Variants in ADAMTS17 observed in about 807,000 individuals in gnomAD.
ADAMTS17 encodes ADAM metallopeptidase with thrombospondin type 1 motif 17.
Under a neutral mutation model 141.5 loss-of-function variants are expected in ADAMTS17, and 113 were observed. The observed-to-expected ratio is 0.80, with a 90% CI of 0.69 to 0.93. ADAMTS17 has a LOEUF of 0.93. ADAMTS17 is among the 40% of genes least tolerant of loss of function. ADAMTS17 has a pLI of 0.00. For missense variants in ADAMTS17, 1,659 were observed against 1,517.9 expected, an observed-to-expected ratio of 1.09 and a Z score of -1.54; for synonymous variants, 768 against 630.6, an observed-to-expected ratio of 1.22 and a Z score of -3.27.
intron 4 of ADAMTS17, among the ~76,000 whole-genome samples, chr15:100,280,779 G>T (rs910041005): frequency 1.3e-5 from 2 of 152,104 alleles, no homozygotes; most frequent in Non-Finnish European, 2.9e-5. Flanking sequence ...AGACAGACGT[G>T]GGCATCCTGA....
At chr15:100,273,605 T>G (rs1035273012) in intron 4 of ADAMTS17, among the ~76,000 whole-genome samples, 5 of 152,146 alleles carry the variant, frequency 3.3e-5, no homozygotes, top group African/African-American at 1.2e-4. Flanking sequence ...CTAGCTAAGG[T>G]TTGTCAATTT....
intron 17 of ADAMTS17, among the ~76,000 whole-genome samples, chr15:100,050,707 G>T (rs1445083345): frequency 1.3e-5 from 2 of 152,218 alleles, no homozygotes; most frequent in East Asian, 3.8e-4. Context: ...CGGGGGCTAT[G>T]CCCGGGGTTC....
At chr15:100,265,655 G>A (rs1202212316) in intron 4 of ADAMTS17, among the ~76,000 whole-genome samples, 1 of 152,172 alleles carries the variant, frequency 6.6e-6, no homozygotes, top group Non-Finnish European at 1.5e-5. Flanking sequence ...ACGCCAGGCT[G>A]GGCTTCACAA....
chr15:100,030,200 T>C (rs1034706440), intron 18 of ADAMTS17, among the ~76,000 whole-genome samples: 8 of 152,192 alleles, frequency 5.3e-5, no homozygotes, highest in Admixed American at 1.3e-4. Flanking sequence ...AACATCCTCT[T>C]CCCAGGAAGC....
intron 7 of ADAMTS17, among the ~76,000 whole-genome samples, chr15:100,245,319 C>T (rs1443963400): frequency 6.6e-6 from 1 of 152,220 alleles, no homozygotes; most frequent in Non-Finnish European, 1.5e-5. Flanking sequence ...AGGACACTTA[C>T]TTTCCCAGTC....
At chr15:100,298,601 G>A (rs954514271) in intron 3 of ADAMTS17, among the ~76,000 whole-genome samples, 1 of 152,142 alleles carries the variant, frequency 6.6e-6, no homozygotes, top group Non-Finnish European at 1.5e-5. Context: ...TCCAAATGGA[G>A]GGAGAAAGAA....
chr15:100,334,746 G>C (rs1452029300), intron 2 of ADAMTS17, among the ~76,000 whole-genome samples: 1 of 152,218 alleles, frequency 6.6e-6, no homozygotes, highest in African/African-American at 2.4e-5. Flanking sequence ...TGAAATGCCT[G>C]AGCACAGACG....
rs2060452470 is a variant in ADAMTS17 at position 99,980,062 on chromosome 15, T to G, written c.2950-3840A>C. 3 of 152,270 alleles carry G rather than the reference T, an allele frequency of 2.0e-5. No individual in the cohort carries two copies. In the South Asian group the frequency reaches 6.2e-4, roughly 31 times the overall value. The allele number at this position is 152,270 out of a possible 1,614,324, so 9.4% of individuals were successfully genotyped here. A position where few individuals can be genotyped will look rare whatever the true frequency, so the allele number is the denominator to read the frequency against. On this transcript the variant is annotated intron_variant, in intron 20 of 21. Coordinates refer to ENST00000268070, the MANE Select transcript of ADAMTS17 (RefSeq NM_139057.4). ...AGGGCTGGGTGCGGTGGCTCACACC[T>G]GTAACCCCAGCATTTTGGGAGGCTG...
At chr15:100,292,452 G>A (rs113544161) in intron 3 of ADAMTS17, among the ~76,000 whole-genome samples, 13,897 of 149,864 alleles carry the variant, frequency 0.093, 722 homozygotes, top group Non-Finnish European at 0.11. Context: ...CACTCACCCC[G>A]TGTGAAATTA....
chr15:100,337,654 C>G (rs531476065), intron 2 of ADAMTS17, among the ~76,000 whole-genome samples: 75 of 152,322 alleles, frequency 4.9e-4, no homozygotes, highest in African/African-American at 1.7e-3. Context: ...CAGTGGGTGG[C>G]CTTCCCAAGC....
chr15:99,990,686 G>A (rs1003273570), intron 20 of ADAMTS17, among the ~76,000 whole-genome samples: 2 of 151,702 alleles, frequency 1.3e-5, no homozygotes, highest in Non-Finnish European at 2.9e-5. Flanking sequence ...TGGGCTGATG[G>A]GAAGGTGGTA....
chr15:99,993,939 C>T lies in ADAMTS17; in HGVS notation c.2797-739G>A, dbSNP rs773568669. ...GCCCTCAAGAGTTCAGGATTCCCAG[C>T]AGCAAGAAGGAGCGAAGAGGCAGGG... On this transcript the variant is annotated intron_variant, in intron 19 of 21. Transcript: ENST00000268070. The surrounding 1 kb of genome is among the most constrained non-coding windows in gnomAD (Gnocchi z 4.3). Among the ~76,000 whole-genome samples, 1 of 152,116 alleles carries T rather than the reference C, an allele frequency of 6.6e-6. No homozygotes were observed. The highest frequency in any genetic ancestry group is 1.5e-5 in the Non-Finnish European group (1 of 68,038).
chr15:100,205,082 C>G (rs950397146), intron 7 of ADAMTS17, among the ~76,000 whole-genome samples: 2 of 152,112 alleles, frequency 1.3e-5, no homozygotes, highest in Non-Finnish European at 2.9e-5. Flanking sequence ...GCCTTGCTCC[C>G]TAGGGTTAAT....
At chr15:100,107,261 AG>A (rs1316763101) in intron 14 of ADAMTS17, among the ~76,000 whole-genome samples, 1 of 152,176 alleles carries the variant, frequency 6.6e-6, no homozygotes, top group Non-Finnish European at 1.5e-5. Context: ...GCACTGAGCA[AG>A]CAAAGAGCAT....
chr15:100,275,449 A>G (rs2044049263), intron 4 of ADAMTS17, among the ~76,000 whole-genome samples: 1 of 152,240 alleles, frequency 6.6e-6, no homozygotes, highest in Admixed American at 6.5e-5. Context: ...AATGGAAGTG[A>G]GAAGCCTGGC....
chr15:100,162,235 T>C, intron 8 of ADAMTS17, among the ~76,000 whole-genome samples: 1 of 151,878 alleles, frequency 6.6e-6, no homozygotes, highest in East Asian at 1.9e-4. Context: ...ATACATGGGA[T>C]TTTGATGTAA....
chr15:100,209,053 C>A (rs1320413162), intron 7 of ADAMTS17, among the ~76,000 whole-genome samples: 1 of 139,048 alleles, frequency 7.2e-6, no homozygotes, highest in African/African-American at 2.7e-5. Flanking sequence ...CCTCTTATAG[C>A]CGTATTTCTA....
chr15:100,250,145 T>A (rs1341529832), intron 7 of ADAMTS17, among the ~76,000 whole-genome samples: 1 of 152,242 alleles, frequency 6.6e-6, no homozygotes, highest in African/African-American at 2.4e-5. Context: ...AAATACCAGA[T>A]TGAGCCAAAA....
At chr15:100,185,427 GT>G (rs1263810754) in intron 8 of ADAMTS17, among the ~76,000 whole-genome samples, 2 of 152,162 alleles carry the variant, frequency 1.3e-5, no homozygotes, top group African/African-American at 4.8e-5. Flanking sequence ...TGCCCCCCAT[GT>G]TGACCCCATG....
Sources: gnomAD v4.1 joint callset for allele counts (sites outside exome capture counted in the v4.1 genomes callset) on GRCh38, gnomAD v4.1.1 for gene constraint, Gnocchi (gnomAD v3.1) non-coding constraint, MANE v1.5 for transcripts, NCBI Gene and HGNC (gene_info 2026-07-23, HGNC 2026-07-21) for gene names.